USP43: variants seen among roughly 807,000 people sequenced by gnomAD.
USP43 encodes the protein ubiquitin specific peptidase 43, also known as ubiquitin carboxyl-terminal hydrolase 43.
USP43 carries 33 observed loss-of-function variants against 90.7 expected under a neutral mutation model. The ratio of observed to expected loss-of-function variants is 0.36; its 90% CI spans 0.28 to 0.49. The LOEUF is 0.49. Among genes scored for constraint, USP43 ranks in the 20% least tolerant of loss-of-function variants. USP43 has a pLI of 0.98. For missense variants in USP43, 1,274 were observed against 1,476.4 expected, an observed-to-expected ratio of 0.86 and a Z score of 2.25; for synonymous variants, 598 against 615.8, an observed-to-expected ratio of 0.97 and a Z score of 0.43.
At chr17:9,713,721 G>A (rs1337942749) in intron 14 of USP43, among the ~76,000 whole-genome samples, 3 of 152,200 alleles carry the variant, frequency 2.0e-5, no homozygotes. Context: ...AAGATTTGCT[G>A]ATGTGGGGTG....
At chr17:9,710,500 CTTT>C (rs753636549) in intron 13 of USP43, among the ~76,000 whole-genome samples, 2 of 86,030 alleles carry the variant, frequency 2.3e-5, no homozygotes, top group Admixed American at 1.4e-4. Context: ...GGAAAGGTAG[CTTT>C]TTTTTTTTTT....
In USP43 at chr17:9,728,649, A is replaced by T. The variant is rs1157080377; in HGVS notation, c.3031A>T (p.Asn1011Tyr). ...SVFRKKENRR[N>Y]ERAEVSPQVP... The stretch of plus-strand genomic sequence containing the variant: ...GTTTCGGAAGAAGGAGAACAGGAGG[A>T]ATGAGAGGGCAGAGGTCTCTCCACA... The change falls in exon 15 of 15, where the codon AAT becomes TAT. Residue 1011 changes from asparagine (N) to tyrosine (Y), a missense_variant. Transcript: ENST00000285199. This position sits in a 1 kb window ranked among gnomAD's most constrained non-coding sequence, Gnocchi z 6.2. 2.5e-6 allele frequency: 4 copies of T among 1,613,572 alleles called. No individual in the cohort carries two copies. Among genetic ancestry groups the T allele is most frequent in the Admixed American group, 3.3e-5 (2 of 59,978 alleles).
intron 12 of USP43, among the ~76,000 whole-genome samples, chr17:9,703,862 T>C (rs1032721358): frequency 3.3e-5 from 5 of 152,132 alleles, no homozygotes; most frequent in African/African-American, 1.2e-4. Context: ...CCCCAAGCCA[T>C]GTAGGGTATT....
intron 2 of USP43, among the ~76,000 whole-genome samples, chr17:9,661,136 C>T (rs1411112190): frequency 6.6e-6 from 1 of 152,090 alleles, no homozygotes; most frequent in Non-Finnish European, 1.5e-5. Context: ...TTTACTGATC[C>T]TCAAATGTTT....
rs186875541 is a variant in USP43, at chr17:9,669,123, C to A, written c.740+2372C>A. On this transcript the variant is annotated intron_variant, in intron 3 of 14. Transcript: ENST00000285199. Reference sequence around the variant, plus strand: ...CCTCCCAAAGTGTTGGGATTACAGACCTGAGCCACCACGCCCGGCCGGGCA... The same window carrying A: ...CCTCCCAAAGTGTTGGGATTACAGAACTGAGCCACCACGCCCGGCCGGGCA... Among the ~76,000 whole-genome samples the A allele has an allele frequency of 6.6e-5, 10 of 152,206 alleles. No homozygotes were observed. The South Asian group carries it at 2.1e-3, about 32-fold the overall frequency.
chr17:9,692,518 G>T (rs768756509), intron 8 of USP43, among the ~76,000 whole-genome samples: 46 of 152,148 alleles, frequency 3.0e-4, no homozygotes, highest in Non-Finnish European at 5.6e-4. Flanking sequence ...ACAAATGTTT[G>T]CCCATTTTTT....
chr17:9,677,644 C>A (rs1913874641), intron 5 of USP43, among the ~76,000 whole-genome samples: 1 of 152,204 alleles, frequency 6.6e-6, no homozygotes, highest in Non-Finnish European at 1.5e-5. Context: ...CAGGGTGATT[C>A]AGTAGCTCCC....
intron 9 of USP43, among the ~76,000 whole-genome samples, chr17:9,697,565 A>G (rs1184118763): frequency 6.6e-6 from 1 of 152,120 alleles, no homozygotes; most frequent in Non-Finnish European, 1.5e-5. Context: ...GCTCTCACTT[A>G]TAAATGAGGA....
At chr17:9,710,141 G>T (rs78155361) in intron 13 of USP43, 27 bp downstream of exon 13, 5 of 1,414,322 alleles carry the variant, frequency 3.5e-6, no homozygotes, top group South Asian at 1.8e-5. Flanking sequence ...ATGACAGGAG[G>T]GGGGTGTGGG....
At chr17:9,707,910 A>G (rs1464784348) in intron 12 of USP43, among the ~76,000 whole-genome samples, 2 of 152,160 alleles carry the variant, frequency 1.3e-5, no homozygotes, top group African/African-American at 4.8e-5. Context: ...CACTTTGGAG[A>G]CAGACAATAA....
At chr17:9,683,112 T>C (rs957901146) in intron 7 of USP43, among the ~76,000 whole-genome samples, 154 bp downstream of exon 7, 2 of 152,250 alleles carry the variant, frequency 1.3e-5, no homozygotes, top group Admixed American at 1.3e-4. Context: ...ATTAGAAATA[T>C]CTGCCTTAAG....
At chr17:9,693,524 C>A (rs980676135) in intron 9 of USP43, among the ~76,000 whole-genome samples, 3 of 152,132 alleles carry the variant, frequency 2.0e-5, no homozygotes, top group Admixed American at 2.0e-4. Context: ...TAAATTTGAA[C>A]CCAGATTGAT....
intron 7 of USP43, among the ~76,000 whole-genome samples, 178 bp downstream of exon 7, chr17:9,683,136 T>C (rs546771648): frequency 6.6e-6 from 1 of 152,352 alleles, no homozygotes; most frequent in Admixed American, 6.5e-5. Flanking sequence ...TTGGCTAACG[T>C]CATCATTCCT....
At chr17:9,659,067 G>A (rs575040353) in intron 2 of USP43, among the ~76,000 whole-genome samples, 1 of 152,290 alleles carries the variant, frequency 6.6e-6, no homozygotes, top group South Asian at 2.1e-4. Flanking sequence ...CGTGGGCCAA[G>A]GAGAGCTTTT....
chr17:9,724,070 G>A (rs542839376), intron 14 of USP43, among the ~76,000 whole-genome samples: 34 of 152,244 alleles, frequency 2.2e-4, no homozygotes, highest in Admixed American at 1.9e-3. Context: ...TTCTCTGACC[G>A]CCAGACCCCC....
At chr17:9,706,934 T>C (rs770562131) in intron 12 of USP43, among the ~76,000 whole-genome samples, 16 of 152,066 alleles carry the variant, frequency 1.1e-4, no homozygotes, top group Non-Finnish European at 2.2e-4. Flanking sequence ...TGAGTCTCCG[T>C]GCCCAGCCTG....
intron 2 of USP43, among the ~76,000 whole-genome samples, chr17:9,660,125 G>A (rs1678198588): frequency 6.6e-6 from 1 of 151,996 alleles, no homozygotes; most frequent in African/African-American, 2.4e-5. Flanking sequence ...AGATAATATT[G>A]TGTTTATTTA....
Position 9,650,956 on chromosome 17 carries a change from G to A in USP43, c.504+4820G>A, listed in dbSNP as rs151187123. 5.7e-4 allele frequency among the ~76,000 whole-genome samples: 87 copies of A among 152,188 alleles called. 2 individuals are homozygous for A. Among genetic ancestry groups the A allele is most frequent in the Middle Eastern group, 3.4e-3 (1 of 294 alleles). ...CCGAGCAATGGACACTGGACCCAGCGTGCAGTCTTTCATCCTTCACCCGTC... is the reference window on the plus strand; with the variant it reads ...CCGAGCAATGGACACTGGACCCAGCATGCAGTCTTTCATCCTTCACCCGTC... On this transcript the variant is annotated intron_variant, in intron 1 of 14. Coordinates refer to ENST00000285199, the MANE Select transcript of USP43 (RefSeq NM_153210.5).
In USP43 at chr17:9,677,340, T is replaced by C. The variant is rs78108981; in HGVS notation, c.969+459T>C. On this transcript the variant is annotated intron_variant, in intron 5 of 14. Coordinates refer to ENST00000285199, the MANE Select transcript of USP43 (RefSeq NM_153210.5). Reference sequence around the variant, plus strand: ...AAGTGGCTGAGCCAGGATTTGGATTTCGATGGTTTGACTTCATAGCCCAAG... The same window carrying C: ...AAGTGGCTGAGCCAGGATTTGGATTCCGATGGTTTGACTTCATAGCCCAAG... 9.4e-4 allele frequency among the ~76,000 whole-genome samples: 143 copies of C among 152,364 alleles called. 1 individual carries two copies. Among genetic ancestry groups the C allele is most frequent in the African/African-American group, 3.3e-3 (138 of 41,582 alleles).
Sources: allele counts gnomAD v4.1 joint callset (sites outside exome capture counted in the v4.1 genomes callset), GRCh38; gene constraint gnomAD v4.1.1; non-coding constraint Gnocchi (gnomAD v3.1); transcripts MANE v1.5; gene names NCBI Gene and HGNC (gene_info 2026-07-23, HGNC 2026-07-21).